Variants in DOP1A observed in about 807,000 individuals in gnomAD.
DOP1A encodes the protein DOP1 leucine zipper like protein A.
A neutral mutation model predicts 267.6 loss-of-function variants in DOP1A; 90 were observed. The ratio of observed to expected loss-of-function variants is 0.34; its 90% CI spans 0.28 to 0.40. The LOEUF is 0.40. DOP1A is among the 10% of genes least tolerant of loss of function. DOP1A has a pLI of 1.00. For missense variants in DOP1A, 2,437 were observed against 2,900.4 expected, an observed-to-expected ratio of 0.84 and a Z score of 3.67; for synonymous variants, 932 against 999.1, an observed-to-expected ratio of 0.93 and a Z score of 1.27.
At chr6:83,119,688 T>C (rs1776046691) in intron 8 of DOP1A, 60 bp from the exon 9 acceptor site, 8 of 1,441,782 alleles carry the variant, frequency 5.5e-6, no homozygotes, top group East Asian at 2.3e-5. Flanking sequence ...TTTTGGTATT[T>C]AGTGAACAAC....
chr6:83,143,353 T>C (rs1050006435), intron 24 of DOP1A, among the ~76,000 whole-genome samples: 1 of 152,208 alleles, frequency 6.6e-6, no homozygotes, highest in African/African-American at 2.4e-5. Flanking sequence ...GTAATTCACA[T>C]AGAGCAATGC....
At chr6:83,078,799 T>C (rs939132041) in intron 1 of DOP1A, among the ~76,000 whole-genome samples, 2 of 152,190 alleles carry the variant, frequency 1.3e-5, no homozygotes, top group African/African-American at 2.4e-5. Context: ...TACCTTATTT[T>C]GGTTCTTATT....
Position 83,125,157 on chromosome 6 carries a change from A to G in DOP1A, c.1456-9A>G, listed in dbSNP as rs1776958958. ...TCTCTCCTCACTTCTTTGCTTTCTC[A>G]TTTTGAAGCCTACTAGAAGTATGAG... On this transcript the variant is annotated splice_polypyrimidine_tract_variant and intron_variant, in intron 13 of 38. Coordinates refer to ENST00000349129, the MANE Select transcript of DOP1A (RefSeq NM_015018.4). 6 of 1,578,094 alleles carry G rather than the reference A, an allele frequency of 3.8e-6. No individual in the cohort carries two copies. Among genetic ancestry groups the G allele is most frequent in the Non-Finnish European group, 5.1e-6 (6 of 1,169,918 alleles).
intron 18 of DOP1A, 70 bp downstream of exon 18, chr6:83,132,398 T>TA (rs1778209330): frequency 7.0e-7 from 1 of 1,434,028 alleles, no homozygotes; most frequent in South Asian, 1.7e-5. Flanking sequence ...TACTGAAAAG[T>TA]AAGAAAACTT....
At chr6:83,132,502 CTAGAGG>C (rs1386830044) in intron 18 of DOP1A, among the ~76,000 whole-genome samples, 174 bp downstream of exon 18, 13 of 151,978 alleles carry the variant, frequency 8.6e-5, no homozygotes, top group Non-Finnish European at 1.3e-4. Flanking sequence ...TCAATTATTT[CTAGAGG>C]AAAGTTCTTT....
chr6:83,154,361 T>A, intron 33 of DOP1A, 120 bp downstream of exon 33: 1 of 859,724 alleles, frequency 1.2e-6, no homozygotes, highest in Non-Finnish European at 1.9e-6. Flanking sequence ...CAAGTGTCAG[T>A]GGGGATATGT....
chr6:83,120,603 C>T, intron 9 of DOP1A, 80 bp from the exon 10 acceptor site: 1 of 1,169,566 alleles, frequency 8.6e-7, no homozygotes, highest in South Asian at 2.0e-5. Flanking sequence ...TATATGGTTG[C>T]ATTTAAAAAT....
In DOP1A at chr6:83,096,811, A is replaced by G. The variant is rs1771592663; in HGVS notation, c.-66A>G. ...TGAACACTAGCTGAGGAGAGTTTCA[A>G]CCACTGCTAACAGTAAGGAACATTT... On this transcript the variant is annotated 5_prime_UTR_variant, in exon 2 of 39. Coordinates refer to ENST00000349129, the MANE Select transcript of DOP1A (RefSeq NM_015018.4). 5.9e-6 allele frequency: 4 copies of G among 679,698 alleles called. No individual in the cohort carries two copies. The highest frequency in any genetic ancestry group is 5.4e-5 in the African/African-American group (3 of 55,848). The allele number at this position is 679,698 out of a possible 1,614,324, so 42.1% of individuals were successfully genotyped here. A position where few individuals can be genotyped will look rare whatever the true frequency, so the allele number is the denominator to read the frequency against.
intron 24 of DOP1A, among the ~76,000 whole-genome samples, chr6:83,144,424 T>G (rs1780147202): frequency 6.6e-6 from 1 of 152,102 alleles, no homozygotes; most frequent in African/African-American, 2.4e-5. Flanking sequence ...GAATATGTAA[T>G]TAGAGATTTA....
intron 37 of DOP1A, among the ~76,000 whole-genome samples, chr6:83,162,138 TG>T (rs1345871051): frequency 6.6e-6 from 1 of 152,168 alleles, no homozygotes; most frequent in Non-Finnish European, 1.5e-5. Context: ...ATAAACTCTC[TG>T]GACGGACTTA....
At chr6:83,134,859 T>C (rs1384285538) in intron 19 of DOP1A, among the ~76,000 whole-genome samples, 3 of 152,118 alleles carry the variant, frequency 2.0e-5, no homozygotes, top group African/African-American at 7.2e-5. Context: ...GTCTCACCAG[T>C]TGGTCTCATA....
intron 1 of DOP1A, among the ~76,000 whole-genome samples, chr6:83,074,765 T>C (rs1766755546): frequency 6.6e-6 from 1 of 152,246 alleles, no homozygotes; most frequent in Admixed American, 6.5e-5. Context: ...AACTATACAC[T>C]CAGTGGTTAA....
intron 24 of DOP1A, among the ~76,000 whole-genome samples, chr6:83,142,557 A>G (rs1193868855): frequency 1.3e-5 from 2 of 152,142 alleles, no homozygotes; most frequent in African/African-American, 4.8e-5. Context: ...GAGGTCAAAT[A>G]TAAAAGATAT....
At chr6:83,120,460 C>T (rs1196489263) in intron 9 of DOP1A, among the ~76,000 whole-genome samples, 1 of 151,714 alleles carries the variant, frequency 6.6e-6, no homozygotes, top group Non-Finnish European at 1.5e-5. Context: ...TTTGATATTC[C>T]ACTATGTCTA....
intron 3 of DOP1A, among the ~76,000 whole-genome samples, chr6:83,099,710 A>G (rs201714323): frequency 0.011 from 368 of 32,630 alleles, 3 homozygotes; most frequent in East Asian, 0.067. Context: ...GTGTGTGTGT[A>G]TATACATATA....
chr6:83,107,048 A>G (rs184139247), intron 4 of DOP1A, among the ~76,000 whole-genome samples: 160 of 152,286 alleles, frequency 1.1e-3, no homozygotes, highest in Non-Finnish European at 1.0e-3. Context: ...ATGATGGAAG[A>G]TAAACAGAAG....
chr6:83,111,773 C>A (rs1774602278), intron 6 of DOP1A, among the ~76,000 whole-genome samples: 1 of 151,888 alleles, frequency 6.6e-6, no homozygotes, highest in Admixed American at 6.6e-5. Context: ...GATATTAAAC[C>A]CTTGTCGTAT....
intron 1 of DOP1A, among the ~76,000 whole-genome samples, chr6:83,080,316 T>G (rs73481097): frequency 0.016 from 2,413 of 152,328 alleles, 78 homozygotes; most frequent in African/African-American, 0.054. Context: ...CTATAGATAC[T>G]GTTAATACAA....
Position 83,157,278 on chromosome 6 carries a change from A to G in DOP1A, c.6701A>G (p.Gln2234Arg). Residue 2234 changes from glutamine to arginine, a missense_variant, in exon 35 of 39, where the codon CAA (glutamine) becomes CGA (arginine). By Grantham distance (43) the Gln-to-Arg change is conservative. Around this residue, in one of 9 missense-constraint regions of DOP1A, gnomAD observed 75 missense variants for 149.6 expected, o/e 0.50. Coordinates refer to ENST00000349129, the MANE Select transcript of DOP1A (RefSeq NM_015018.4). ...FRVLLLRMSP[Q>R]HLTSLWPTMI... ...GTGTTACTTTTAAGAATGTCTCCCC[A>G]ACATCTTACCTCACTCTGGCCTACC... is the stretch of plus-strand genomic sequence containing the variant. 6.2e-7 allele frequency: 1 copy of G among 1,613,966 alleles called. No homozygotes were observed. Among genetic ancestry groups the G allele is most frequent in the South Asian group, 1.1e-5 (1 of 91,056 alleles).
Sources: allele counts gnomAD v4.1 joint callset (sites outside exome capture counted in the v4.1 genomes callset), GRCh38; gene constraint gnomAD v4.1.1; regional missense constraint gnomAD v4.1.1; transcripts MANE v1.5; gene names NCBI Gene and HGNC (gene_info 2026-07-23, HGNC 2026-07-21).